Variants in ACOXL observed in about 807,000 individuals in gnomAD.
ACOXL encodes the protein acyl-coenzyme A oxidase-like protein.
A neutral mutation model predicts 71.9 loss-of-function variants in ACOXL; 70 were observed. The ratio of observed to expected loss-of-function variants is 0.97; its 90% CI spans 0.80 to 1.19. The LOEUF is 1.19. Ranked by LOEUF, ACOXL falls within the 50% of genes most tolerant of loss-of-function variation. The pLI is 0.00. For synonymous variants in ACOXL, 253 were observed against 281.6 expected (o/e 0.90, Z 1.02); for missense variants, 703 against 736.3 (o/e 0.95, Z 0.52).
chr2:110,837,222 T>C (rs565222043), intron 9 of ACOXL, among the ~76,000 whole-genome samples: 5 of 152,242 alleles, frequency 3.3e-5, no homozygotes, highest in Admixed American at 2.0e-4. Context: ...TGGTCTCTCC[T>C]TTTCACCTGC....
chr2:111,117,969 G>T lies in ACOXL; in HGVS notation c.*153G>T. ...CAAAGCGGAGGTCCCGCCGAGGCTG[G>T]CGAGGTGCGCGGCTGGCTGCTAGGA... On this transcript the variant is annotated 3_prime_UTR_variant, in exon 18 of 18. Transcript: ENST00000439055. 4.5e-6 allele frequency: 4 copies of T among 883,380 alleles called. No individual in the cohort carries two copies. The South Asian group carries it at 7.1e-5, about 16-fold the overall frequency. 54.7% of individuals were successfully genotyped at this position (883,380 alleles called of 1,614,324 possible). A position where few individuals can be genotyped will look rare whatever the true frequency, so the allele number is the denominator to read the frequency against.
At chr2:110,873,766 C>G (rs1276318618) in intron 10 of ACOXL, among the ~76,000 whole-genome samples, 1 of 152,192 alleles carries the variant, frequency 6.6e-6, no homozygotes, top group East Asian at 1.9e-4. Flanking sequence ...CAGAGTGTAT[C>G]TGTTCAATTG....
intron 12 of ACOXL, among the ~76,000 whole-genome samples, chr2:110,947,587 T>C (rs575773492): frequency 6.6e-6 from 1 of 152,310 alleles, no homozygotes; most frequent in East Asian, 1.9e-4. Context: ...CAGATCACAC[T>C]GAAAGATCCG....
chr2:110,805,314 GA>G lies in ACOXL; in HGVS notation c.673del (p.Ser225ValfsTer11). 1 of 1,614,274 alleles carries G rather than the reference GA, an allele frequency of 6.2e-7. No individual in the cohort carries two copies. Among genetic ancestry groups the G allele is most frequent in the Non-Finnish European group, 8.5e-7 (1 of 1,180,046 alleles). ...AGTACCATTCGCCTATTAGGAACAAGAGTGCAAGATTCAATGCCATGCTGGC... is the reference window on the plus strand; with the variant it reads ...AGTACCATTCGCCTATTAGGAACAAGGTGCAAGATTCAATGCCATGCTGGC... Reference protein sequence around the residue: ...GQYHSPIRNKSARFNAMLAAL... With the variant: ...GQYHSPIRNKXARFNAMLAAL... On this transcript the variant is annotated frameshift_variant, in exon 9 of 18. Transcript: ENST00000439055. LOFTEE classifies it high-confidence loss of function.
intron 10 of ACOXL, among the ~76,000 whole-genome samples, chr2:110,883,107 GTTTTT>G (rs34915436): frequency 9.2e-6 from 1 of 109,266 alleles, no homozygotes; most frequent in Non-Finnish European, 1.8e-5. Context: ...TTTGTCACTG[GTTTTT>G]TTTTTTTTTT....
At position 110,834,078 on chromosome 2, in the gene ACOXL, C is replaced by T. The variant is rs34722399; in HGVS notation, c.754-7293C>T. ...TACCCTAACGTTTTTGTTAACTGAC[C>T]ATGTTTGCGGGTGTCACATTTTTTT... On this transcript the variant is annotated intron_variant, in intron 9 of 17. Transcript: ENST00000439055. Among the ~76,000 whole-genome samples, 1,385 of 152,266 alleles carry T rather than the reference C, an allele frequency of 9.1e-3. 14 individuals are homozygous for T. Among genetic ancestry groups the T allele is most frequent in the African/African-American group, 0.029 (1,205 of 41,544 alleles).
intron 16 of ACOXL, among the ~76,000 whole-genome samples, chr2:111,059,252 A>G (rs1271082056): frequency 3.3e-5 from 5 of 152,216 alleles, no homozygotes; most frequent in African/African-American, 4.8e-5. Flanking sequence ...AATAATAATA[A>G]TAGTAAAAAA....
In ACOXL at chr2:110,805,302, T is replaced by C; in HGVS notation, c.660T>C (p.Pro220=). 6.2e-7 allele frequency: 1 copy of C among 1,614,226 alleles called. No individual in the cohort carries two copies. The highest frequency in any genetic ancestry group is 8.5e-7 in the Non-Finnish European group (1 of 1,180,046). The change falls in exon 9 of 18, where the codon CCT becomes CCC. Residue 220 remains proline, a synonymous_variant. Transcript: ENST00000439055. ...CTCCAGATGGACAGTACCATTCGCCTATTAGGAACAAGAGTGCAAGATTCA... is the reference window on the plus strand; with the variant it reads ...CTCCAGATGGACAGTACCATTCGCCCATTAGGAACAAGAGTGCAAGATTCA... ...SVAPDGQYHS[P]IRNKSARFNA...
At chr2:110,915,971 C>T (rs2059844685) in intron 11 of ACOXL, among the ~76,000 whole-genome samples, 1 of 152,006 alleles carries the variant, frequency 6.6e-6, no homozygotes, top group Non-Finnish European at 1.5e-5. Flanking sequence ...ATAGTATTTA[C>T]TAAGATGGTA....
chr2:111,053,814 C>G (rs755905569), intron 16 of ACOXL, among the ~76,000 whole-genome samples: 34 of 152,340 alleles, frequency 2.2e-4, no homozygotes, highest in Non-Finnish European at 3.7e-4. Flanking sequence ...ACTAAAACTT[C>G]CTGAAGCCAT....
chr2:110,738,483 T>C (rs546956707), intron 1 of ACOXL, among the ~76,000 whole-genome samples: 2 of 152,266 alleles, frequency 1.3e-5, no homozygotes, highest in East Asian at 3.9e-4. Flanking sequence ...GGGTGTAGAG[T>C]TCTAGGCTGG....
intron 10 of ACOXL, among the ~76,000 whole-genome samples, chr2:110,865,889 C>T (rs1197076108): frequency 1.3e-5 from 2 of 151,648 alleles, no homozygotes; most frequent in African/African-American, 4.8e-5. Context: ...ACTGCTGACA[C>T]CTACCATGGT....
At chr2:110,878,308 A>T (rs1696182326) in intron 10 of ACOXL, among the ~76,000 whole-genome samples, 2 of 152,248 alleles carry the variant, frequency 1.3e-5, no homozygotes, top group Admixed American at 6.5e-5. Flanking sequence ...GATTAAATAG[A>T]TTAGACACAA....
chr2:110,948,092 AAAG>A lies in ACOXL; in HGVS notation c.1059+14456_1059+14458del, dbSNP rs371851025. On this transcript the variant is annotated intron_variant, in intron 12 of 17. Coordinates refer to ENST00000439055, the MANE Select transcript of ACOXL (RefSeq NM_001142807.4). ...TCCTCAGTGCGTTCCAGAATTTCAC[AAAG>A]AAGAACAGAAACAGCCAAAGCAGGG... 6.3e-3 allele frequency among the ~76,000 whole-genome samples: 953 copies of A among 152,344 alleles called. 18 individuals are homozygous for A. Among genetic ancestry groups the A allele is most frequent in the African/African-American group, 0.022 (897 of 41,586 alleles).
chr2:110,812,832 G>A (rs1265949338), intron 9 of ACOXL, among the ~76,000 whole-genome samples: 2 of 152,240 alleles, frequency 1.3e-5, no homozygotes, highest in African/African-American at 2.4e-5. Context: ...GGAGGTGACA[G>A]AGATGACCTG....
At chr2:110,863,115 C>G (rs1168444673) in intron 10 of ACOXL, among the ~76,000 whole-genome samples, 2 of 152,094 alleles carry the variant, frequency 1.3e-5, no homozygotes, top group Non-Finnish European at 2.9e-5. Flanking sequence ...AATAAAATAA[C>G]CCAAGATGCA....
intron 2 of ACOXL, among the ~76,000 whole-genome samples, chr2:110,769,765 C>T (rs1047083268): frequency 3.3e-5 from 5 of 152,054 alleles, no homozygotes; most frequent in African/African-American, 1.2e-4. Context: ...AACCAGGAGG[C>T]GGAGGTTGCG....
At chr2:110,982,431 C>T (rs1396585527) in intron 12 of ACOXL, among the ~76,000 whole-genome samples, 1 of 152,090 alleles carries the variant, frequency 6.6e-6, no homozygotes, top group East Asian at 1.9e-4. Flanking sequence ...CTCTTCCCTC[C>T]CTTCTTCTTC....
intron 1 of ACOXL, among the ~76,000 whole-genome samples, chr2:110,757,778 A>G (rs1226551625): frequency 6.6e-6 from 1 of 151,278 alleles, no homozygotes. Flanking sequence ...TAAGTTCCTC[A>G]TAGACTCTGG....
Sources: allele counts gnomAD v4.1 joint callset (sites outside exome capture counted in the v4.1 genomes callset), GRCh38; gene constraint gnomAD v4.1.1; transcripts MANE v1.5; gene names NCBI Gene and HGNC (gene_info 2026-07-23, HGNC 2026-07-21).